Variants in RARB observed in about 807,000 individuals in gnomAD.
RARB encodes retinoic acid receptor beta.
A neutral mutation model predicts 51.9 loss-of-function variants in RARB; 17 were observed. The ratio of observed to expected loss-of-function variants is 0.33; its 90% CI spans 0.22 to 0.49. RARB has a LOEUF of 0.49. RARB is among the 20% of genes least tolerant of loss of function. The pLI, the probability that RARB is intolerant of heterozygous loss-of-function variation, is 0.99. For synonymous variants in RARB, 215 were observed against 195.4 expected (o/e 1.10, Z -0.84); for missense variants, 369 against 550.8 (o/e 0.67, Z 3.30).
chr3:25,469,823 G>A (rs1695602460), intron 2 of RARB, among the ~76,000 whole-genome samples: 1 of 152,226 alleles, frequency 6.6e-6, no homozygotes, highest in Admixed American at 6.5e-5. Flanking sequence ...TGGCTGCTTG[G>A]AGGCAGAAAA....
At chr3:25,174,029 G>A (rs1428032898) in intron 4 of RARB, 1 of 158,406 alleles carries the variant, frequency 6.3e-6, no homozygotes, top group African/African-American at 2.4e-5. Context: ...TAGGAGACCT[G>A]GATTAGTATT....
chr3:25,268,334 A>T (rs9310776), intron 5 of RARB, among the ~76,000 whole-genome samples: 3,094 of 152,052 alleles, frequency 0.02, 80 homozygotes, highest in African/African-American at 0.064. Flanking sequence ...CTAAATGCAC[A>T]TCTGTAATCT....
At chr3:24,951,872 G>T (rs74815672) in intron 2 of RARB, among the ~76,000 whole-genome samples, 2,760 of 152,198 alleles carry the variant, frequency 0.018, 33 homozygotes, top group Non-Finnish European at 0.029. Context: ...ACTCACCTTT[G>T]TTTTCTTCTG....
intron 4 of RARB, among the ~76,000 whole-genome samples, chr3:25,166,888 C>A (rs1378832095): frequency 1.3e-5 from 2 of 152,188 alleles, no homozygotes; most frequent in Admixed American, 6.5e-5. Flanking sequence ...ACTACATTTG[C>A]AGATGTGTGT....
At chr3:25,224,110 CTG>C (rs1365787128) in intron 5 of RARB, among the ~76,000 whole-genome samples, 1 of 152,164 alleles carries the variant, frequency 6.6e-6, no homozygotes, top group Non-Finnish European at 1.5e-5. Flanking sequence ...GAAGAGGAAA[CTG>C]AACTCTTGAA....
chr3:25,596,003 T>A (rs1350998061), intron 7 of RARB, among the ~76,000 whole-genome samples: 1 of 152,218 alleles, frequency 6.6e-6, no homozygotes, highest in Non-Finnish European at 1.5e-5. Context: ...AAGGATAGCC[T>A]CTGGGAGGCA....
At chr3:25,101,188 C>A (rs1337276809) in intron 3 of RARB, among the ~76,000 whole-genome samples, 1 of 152,088 alleles carries the variant, frequency 6.6e-6, no homozygotes, top group Non-Finnish European at 1.5e-5. Flanking sequence ...TTTTTGGTTG[C>A]TAGAGGCTTC....
intron 5 of RARB, among the ~76,000 whole-genome samples, chr3:25,587,089 C>G (rs1189930212): frequency 1.3e-5 from 2 of 152,200 alleles, no homozygotes; most frequent in Non-Finnish European, 2.9e-5. Flanking sequence ...ACTGACCTCT[C>G]TAAGCCTCAG....
intron 2 of RARB, among the ~76,000 whole-genome samples, chr3:25,031,904 A>C (rs1378084766): frequency 6.6e-6 from 1 of 152,240 alleles, no homozygotes; most frequent in Non-Finnish European, 1.5e-5. Context: ...AATAGAATCC[A>C]CATCAGGAAA....
chr3:24,959,590 G>T lies in RARB; in HGVS notation c.-379-100535G>T, dbSNP rs937270. 8.7e-3 allele frequency among the ~76,000 whole-genome samples: 1,319 copies of T among 152,338 alleles called. 17 individuals are homozygous for T. Among genetic ancestry groups the T allele is most frequent in the African/African-American group, 0.03 (1,232 of 41,576 alleles). ...AGATGGGGATGTAAAGTTCTCACAT[G>T]GGGCTGAGGTTCCAGGCTTGAGGGT... On this transcript the variant is annotated intron_variant, in intron 2 of 11. Coordinates refer to the RARB transcript ENST00000383772.
At chr3:24,965,444 C>T (rs1286360356) in intron 2 of RARB, among the ~76,000 whole-genome samples, 5 of 152,070 alleles carry the variant, frequency 3.3e-5, no homozygotes, top group Admixed American at 6.6e-5. Context: ...ATGAGTAAAA[C>T]AGGGTAAAGC....
intron 2 of RARB, among the ~76,000 whole-genome samples, chr3:24,877,501 A>C (rs2125353983): frequency 6.6e-6 from 1 of 151,802 alleles, no homozygotes; most frequent in East Asian, 1.9e-4. Context: ...AGTTATGGTG[A>C]CTTCATCCTC....
intron 5 of RARB, among the ~76,000 whole-genome samples, chr3:25,375,661 A>G (rs765984307): frequency 1.3e-5 from 2 of 152,156 alleles, no homozygotes; most frequent in African/African-American, 2.4e-5. Flanking sequence ...TTCCATAGCT[A>G]TCAGTTGAAA....
rs1054694504 is a variant in RARB at position 25,428,961 on chromosome 3, G to A, written c.157+73G>A. On this transcript the variant is annotated intron_variant, in intron 1 of 7. Transcript: ENST00000330688. ...TCTCTTGCATGCAATAAAGACGTTG[G>A]AAATAAACTGCATTGGTAGCAAGAC... is the stretch of plus-strand genomic sequence containing the variant. 3.5e-5 allele frequency: 52 copies of A among 1,464,970 alleles called. No individual in the cohort carries two copies. In the Admixed American group the frequency reaches 1.1e-3, roughly 31 times the overall value. The allele number at this position is 1,464,970 out of a possible 1,614,324, so 90.7% of individuals were successfully genotyped here.
At position 24,996,200 on chromosome 3, in the gene RARB, C is replaced by A. The variant is rs191563228; in HGVS notation, c.-379-63925C>A. On this transcript the variant is annotated intron_variant, in intron 2 of 11. Transcript: ENST00000383772. ...TTCAATCTTGGTACATTATATGTGT[C>A]CAGAAACTTATTTATTTCCTCTAGT... 2.6e-4 allele frequency among the ~76,000 whole-genome samples: 40 copies of A among 152,036 alleles called. No homozygotes were observed. In the East Asian group the frequency reaches 6.6e-3, roughly 25 times the overall value.
At chr3:25,220,005 TA>T (rs1406336768) in intron 5 of RARB, among the ~76,000 whole-genome samples, 1 of 152,216 alleles carries the variant, frequency 6.6e-6, no homozygotes, top group African/African-American at 2.4e-5. Flanking sequence ...CCTTTTGTTC[TA>T]AAGACAGTTA....
chr3:24,954,999 C>G (rs1325561705), intron 2 of RARB, among the ~76,000 whole-genome samples: 1 of 152,114 alleles, frequency 6.6e-6, no homozygotes, highest in Non-Finnish European at 1.5e-5. Context: ...TAAGTGTTAA[C>G]CAGCTCAATG....
rs540813826 is a variant in RARB at position 25,447,768 on chromosome 3, C to CT, written c.158-13424dup. Among the ~76,000 whole-genome samples the CT allele has an allele frequency of 2.4e-3, 371 of 152,156 alleles. 1 individual carries two copies. The highest frequency in any genetic ancestry group is 8.7e-3 in the African/African-American group (360 of 41,496). ...TGTGGGCCTGGGAAGGAAAGGACAG[C>CT]TGAGAGAGGGAAAACTGACATGACT... On this transcript the variant is annotated intron_variant, in intron 1 of 7. Coordinates refer to ENST00000330688, the MANE Select transcript of RARB (RefSeq NM_000965.5).
At position 25,387,671 on chromosome 3, in the gene RARB, CT is replaced by C. The variant is rs575398638; in HGVS notation, c.179-73521del. Among the ~76,000 whole-genome samples, 400 of 152,194 alleles carry C rather than the reference CT, an allele frequency of 2.6e-3. 1 individual carries two copies. Among genetic ancestry groups the C allele is most frequent in the African/African-American group, 9.3e-3 (388 of 41,518 alleles). ...GCAGGCCCCTGTGAGTGTAAAGTGG[CT>C]CACCATCAGGTCCTCTCCCCATCTC... On this transcript the variant is annotated intron_variant, in intron 5 of 11. Transcript: ENST00000383772.
Sources: gnomAD v4.1 joint callset for allele counts (sites outside exome capture counted in the v4.1 genomes callset) on GRCh38, gnomAD v4.1.1 for gene constraint, MANE v1.5 for transcripts, NCBI Gene and HGNC (gene_info 2026-07-23, HGNC 2026-07-21) for gene names.